Variants in EPHA4 observed in about 807,000 individuals in gnomAD.
EPHA4 encodes EPH receptor A4, also known as ephrin type-A receptor 4.
A neutral mutation model predicts 108.3 loss-of-function variants in EPHA4; 19 were observed. That is an observed-to-expected ratio of 0.18 (90% CI 0.12 to 0.26). The LOEUF (loss-of-function observed/expected upper bound fraction) is 0.26. Among genes scored for constraint, EPHA4 ranks in the 10% least tolerant of loss-of-function variants. EPHA4 has a pLI of 1.00. For synonymous variants in EPHA4, 449 were observed against 455.5 expected (o/e 0.99, Z 0.18); for missense variants, 917 against 1,254.0 (o/e 0.73, Z 4.06).
chr2:221,572,316 G>A (rs1694870109), upstream of EPHA4: 2 of 1,423,444 alleles, frequency 1.4e-6, no homozygotes, highest in African/African-American at 2.8e-5. Flanking sequence ...AGTTAGGAGA[G>A]CAGCGGGCTG....
rs111355486 is a variant in EPHA4, at chr2:221,532,124, TTC to T, written c.824-30954_824-30953del. Among the ~76,000 whole-genome samples, 777 of 102,598 alleles carry T rather than the reference TTC, an allele frequency of 7.6e-3. 13 individuals carry two copies. The highest frequency in any genetic ancestry group is 0.039 in the African/African-American group (744 of 19,292). The allele number at this position is 102,598 out of a possible 152,430, so 67.3% of individuals were successfully genotyped here. A position where few individuals can be genotyped will look rare whatever the true frequency, so the allele number is the denominator to read the frequency against. ...ATTGTCACACAGATATTTCAATTTA[TTC>T]TTTTTTTTTTTTTTGAGACAGGGTC... On this transcript the variant is annotated intron_variant, in intron 3 of 17. Transcript: ENST00000281821.
At chr2:221,570,988 A>C (rs986420477) in intron 1 of EPHA4, among the ~76,000 whole-genome samples, 13 of 152,172 alleles carry the variant, frequency 8.5e-5, no homozygotes, top group African/African-American at 3.1e-4. Flanking sequence ...GACTAGATGC[A>C]CGCAGGCCAG....
chr2:221,470,641 A>C (rs1691454283), intron 5 of EPHA4, among the ~76,000 whole-genome samples: 2 of 143,800 alleles, frequency 1.4e-5, no homozygotes, highest in Non-Finnish European at 1.5e-5. Context: ...ACTTTAGGGA[A>C]CCTTTTTTAT....
At position 221,564,217 on chromosome 2, in the gene EPHA4, C is replaced by T. The variant is rs745869814; in HGVS notation, c.337G>A (p.Gly113Ser). 34 of 1,613,982 alleles carry T rather than the reference C, an allele frequency of 2.1e-5. No homozygotes were observed. The highest frequency in any genetic ancestry group is 2.5e-5 in the Non-Finnish European group (30 of 1,180,024). The change falls in exon 3 of 18, where the codon GGC (glycine) becomes AGC (serine). Residue 113 changes from glycine to serine, a missense_variant. By Grantham distance (56) the Gly-to-Ser change is moderately conservative. Around this residue, in one of 3 missense-constraint regions of EPHA4, gnomAD observed 758 missense variants for 1,076.7 expected, o/e 0.70. Transcript: ENST00000281821. ...FTLRDCNSLP[G>S]VMGTCKETFN... ...GTCTCCTTGCAAGTCCCCATGACGCCCGGAAGACTATTGCAGTCCCTCAAG... is the reference window on the plus strand; with the variant it reads ...GTCTCCTTGCAAGTCCCCATGACGCTCGGAAGACTATTGCAGTCCCTCAAG...
intron 3 of EPHA4, among the ~76,000 whole-genome samples, chr2:221,501,594 C>G (rs1692491456): frequency 6.6e-6 from 1 of 152,190 alleles, no homozygotes; most frequent in African/African-American, 2.4e-5. Context: ...GACCATACAT[C>G]TGCTAAGTGT....
chr2:221,471,027 T>C (rs933186438), intron 5 of EPHA4, among the ~76,000 whole-genome samples: 3 of 152,158 alleles, frequency 2.0e-5, no homozygotes, highest in Admixed American at 6.6e-5. Context: ...TTCTATGTGC[T>C]AGATAGTTTA....
At chr2:221,443,195 A>C (rs1690483993) in intron 10 of EPHA4, among the ~76,000 whole-genome samples, 181 bp from the exon 11 acceptor site, 1 of 152,172 alleles carries the variant, frequency 6.6e-6, no homozygotes, top group Non-Finnish European at 1.5e-5. Context: ...CCATTTTATT[A>C]GAGAAAACTA....
intron 3 of EPHA4, among the ~76,000 whole-genome samples, chr2:221,536,756 A>T (rs967265949): frequency 6.6e-6 from 1 of 152,224 alleles, no homozygotes; most frequent in Non-Finnish European, 1.5e-5. Flanking sequence ...TTAAGGGTGA[A>T]GGCTTGGTCA....
chr2:221,566,116 G>A (rs1694620149), intron 2 of EPHA4, among the ~76,000 whole-genome samples: 1 of 152,102 alleles, frequency 6.6e-6, no homozygotes, highest in Admixed American at 6.5e-5. Flanking sequence ...ATGTTATCAG[G>A]AGCCATCACT....
At chr2:221,493,589 T>C (rs1429589958) in intron 4 of EPHA4, among the ~76,000 whole-genome samples, 1 of 152,214 alleles carries the variant, frequency 6.6e-6, no homozygotes, top group Non-Finnish European at 1.5e-5. Context: ...ACATTGGGTT[T>C]CCACCGAAGA....
At chr2:221,422,421 T>C (rs1274883676) in intron 17 of EPHA4, among the ~76,000 whole-genome samples, 3 of 152,240 alleles carry the variant, frequency 2.0e-5, no homozygotes, top group Non-Finnish European at 4.4e-5. Context: ...AATGGTCTCA[T>C]AAACACGTGT....
chr2:221,524,374 C>T (rs999665111), intron 3 of EPHA4, among the ~76,000 whole-genome samples: 7 of 152,226 alleles, frequency 4.6e-5, no homozygotes, highest in African/African-American at 7.2e-5. Context: ...GTAAATGACA[C>T]GTCTCTATGG....
chr2:221,439,082 G>A (rs1405801497), intron 11 of EPHA4, among the ~76,000 whole-genome samples: 10 of 152,050 alleles, frequency 6.6e-5, no homozygotes, highest in Non-Finnish European at 1.5e-4. Context: ...TTGTGTCTAA[G>A]AAATTACTCA....
At chr2:221,441,387 G>A (rs550076392) in intron 11 of EPHA4, among the ~76,000 whole-genome samples, 14 of 151,908 alleles carry the variant, frequency 9.2e-5, no homozygotes, top group South Asian at 6.2e-4. Context: ...ACTGGAAACC[G>A]TGGGCATTAC....
intron 5 of EPHA4, among the ~76,000 whole-genome samples, chr2:221,463,524 T>C (rs1317073246): frequency 1.3e-5 from 2 of 152,164 alleles, no homozygotes; most frequent in African/African-American, 4.8e-5. Flanking sequence ...CAGCACAGAT[T>C]AGGGGGCTCT....
intron 4 of EPHA4, among the ~76,000 whole-genome samples, chr2:221,491,453 G>A (rs1462835294): frequency 6.6e-6 from 1 of 152,116 alleles, no homozygotes. Flanking sequence ...GCCAACATGC[G>A]CAAAGCTGTG....
chr2:221,572,266 G>A lies in EPHA4; in HGVS notation c.-18C>T. On this transcript the variant is annotated 5_prime_UTR_variant, in exon 1 of 18. Coordinates refer to ENST00000281821, the MANE Select transcript of EPHA4 (RefSeq NM_004438.5). ...CCAGCCATGGTTCGCCGGTGCCAAC[G>A]CTGCTCCTGCCGCTTCTATCCCAGT... 6.3e-7 allele frequency: 1 copy of A among 1,598,440 alleles called. No homozygotes were observed.
At chr2:221,511,419 C>G (rs1692824522) in intron 3 of EPHA4, among the ~76,000 whole-genome samples, 2 of 130,400 alleles carry the variant, frequency 1.5e-5, no homozygotes, top group African/African-American at 5.0e-5. Flanking sequence ...AAACTGTGTT[C>G]AAATAAGGCA....
chr2:221,551,581 A>G (rs1341421422), intron 3 of EPHA4, among the ~76,000 whole-genome samples: 2 of 152,118 alleles, frequency 1.3e-5, no homozygotes, highest in Non-Finnish European at 2.9e-5. Context: ...TGTCATATTC[A>G]GTAACCATTT....
Sources: allele counts gnomAD v4.1 joint callset (sites outside exome capture counted in the v4.1 genomes callset), GRCh38; gene constraint gnomAD v4.1.1; regional missense constraint gnomAD v4.1.1; transcripts MANE v1.5; gene names NCBI Gene and HGNC (gene_info 2026-07-23, HGNC 2026-07-21).